Variants in GIN1 observed in about 807,000 individuals in gnomAD.
GIN1 encodes gypsy retrotransposon integrase-like protein 1.
A neutral mutation model predicts 51.4 loss-of-function variants in GIN1; 41 were observed. That is an observed-to-expected ratio of 0.80 (90% CI 0.62 to 1.04). GIN1 has a LOEUF of 1.04. Among genes scored for constraint, GIN1 ranks in the 50% least tolerant of loss-of-function variants. The pLI is 0.00. For missense variants in GIN1, 610 were observed against 612.4 expected (o/e 1.00, Z 0.04); for synonymous variants, 222 against 206.5 (o/e 1.07, Z -0.64).
intron 7 of GIN1, among the ~76,000 whole-genome samples, chr5:103,089,113 A>C (rs1050459344): frequency 6.6e-6 from 1 of 152,172 alleles, no homozygotes; most frequent in Admixed American, 6.5e-5. Flanking sequence ...AATTCTTAGG[A>C]ACTTTTAAGG....
intron 1 of GIN1, among the ~76,000 whole-genome samples, chr5:103,116,924 C>G (rs1438547930): frequency 6.6e-6 from 1 of 152,006 alleles, no homozygotes; most frequent in Non-Finnish European, 1.5e-5. Context: ...ATGCTAGGTA[C>G]TACCAAGGAT....
rs1554196334 is a variant in GIN1 at position 103,106,822 on chromosome 5, T to C, written c.227A>G (p.Glu76Gly). The C allele has an allele frequency of 1.2e-6, 2 of 1,603,402 alleles. No homozygotes were observed. The highest frequency in any genetic ancestry group is 8.5e-7 in the Non-Finnish European group (1 of 1,172,638). ...AGCTCCACTGTCATTTTCATGGCAT[T>C]CTCTTAAGACTTTCTTTTTTTCCTC... ...SEEEKKKVLR[E>G]CHENDSGAHH... Residue 76 changes from glutamate to glycine, a missense_variant, in exon 3 of 8, where the codon GAA becomes GGA. Physicochemically the swap from Glu to Gly is moderately conservative, Grantham distance 98. Coordinates refer to ENST00000399004, the MANE Select transcript of GIN1 (RefSeq NM_017676.2).
intron 1 of GIN1, among the ~76,000 whole-genome samples, chr5:103,111,114 A>C (rs1399031070): frequency 6.6e-6 from 1 of 152,074 alleles, no homozygotes; most frequent in Non-Finnish European, 1.5e-5. Flanking sequence ...GGGAATATAG[A>C]ACCTGTTTGT....
chr5:103,094,035 T>A (rs1787326947), intron 7 of GIN1, among the ~76,000 whole-genome samples: 1 of 152,190 alleles, frequency 6.6e-6, no homozygotes, highest in South Asian at 2.1e-4. Flanking sequence ...AGAGCAGCAA[T>A]GACAAATGTG....
intron 4 of GIN1, among the ~76,000 whole-genome samples, chr5:103,100,227 A>G (rs1364512097): frequency 6.6e-6 from 1 of 151,752 alleles, no homozygotes; most frequent in Non-Finnish European, 1.5e-5. Context: ...CAGCCTCCCA[A>G]GTAGCTGGAC....
At chr5:103,099,587 T>C (rs1241781665) in intron 4 of GIN1, among the ~76,000 whole-genome samples, 1 of 152,146 alleles carries the variant, frequency 6.6e-6, no homozygotes, top group Admixed American at 6.5e-5. Flanking sequence ...TTTAACTTCT[T>C]TGTTTCAAAA....
Position 103,104,913 on chromosome 5 carries a change from CTT to C in GIN1, c.334-69_334-68del. 4.1e-6 allele frequency: 4 copies of C among 969,508 alleles called. No individual in the cohort carries two copies. The South Asian group carries it at 6.6e-5, about 16-fold the overall frequency. 60.1% of individuals were successfully genotyped at this position (969,508 alleles called of 1,614,324 possible). On this transcript the variant is annotated intron_variant, in intron 3 of 7. Coordinates refer to ENST00000399004, the MANE Select transcript of GIN1 (RefSeq NM_017676.2). ...ACACTCAACACAATATAAAAGCAGT[CTT>C]ATAAATCTGAATTTTAAAATGGTTA... is the stretch of plus-strand genomic sequence containing the variant.
chr5:103,104,774 C>G lies in GIN1; in HGVS notation c.406G>C (p.Val136Leu). ...IVAPKQHLLKVENPWSLVTVD... is the reference protein window; with the variant it reads ...IVAPKQHLLKLENPWSLVTVD... ...GTAACTAAACTCCATGGATTTTCCACCTTGAGAAGGTGCTGTTTCGGTGCT... is the reference window on the plus strand; with the variant it reads ...GTAACTAAACTCCATGGATTTTCCAGCTTGAGAAGGTGCTGTTTCGGTGCT... Residue 136 changes from valine to leucine, a missense_variant, in exon 4 of 8, where the codon GTG becomes CTG. Transcript: ENST00000399004. 1 of 1,612,424 alleles carries G rather than the reference C, an allele frequency of 6.2e-7. No individual in the cohort carries two copies. The highest frequency in any genetic ancestry group is 2.2e-5 in the East Asian group (1 of 44,852).
chr5:103,118,164 CCA>C (rs1788097092), intron 1 of GIN1, among the ~76,000 whole-genome samples: 1 of 151,792 alleles, frequency 6.6e-6, no homozygotes, highest in Non-Finnish European at 1.5e-5. Flanking sequence ...AGCAAATATT[CCA>C]GAGGTAAATT....
chr5:103,096,933 C>A (rs1554195160), intron 6 of GIN1, 107 bp from the exon 7 acceptor site: 1 of 690,880 alleles, frequency 1.4e-6, no homozygotes, highest in Non-Finnish European at 2.4e-6. Flanking sequence ...TGAGATGCTA[C>A]TAAAAGGTAG....
At chr5:103,111,197 C>T (rs782092565) in intron 1 of GIN1, among the ~76,000 whole-genome samples, 1 of 151,528 alleles carries the variant, frequency 6.6e-6, no homozygotes, top group South Asian at 2.1e-4. Flanking sequence ...AAAAAAGAAA[C>T]CAAAATCATT....
intron 4 of GIN1, among the ~76,000 whole-genome samples, chr5:103,099,163 C>T (rs1787494618): frequency 1.3e-5 from 2 of 152,044 alleles, no homozygotes. Flanking sequence ...AACTCCCTTG[C>T]AGGTAGGGGT....
At position 103,096,544 on chromosome 5, in the gene GIN1, G is replaced by T; in HGVS notation, c.1291C>A (p.Gln431Lys). 1 of 1,599,288 alleles carries T rather than the reference G, an allele frequency of 6.3e-7. No homozygotes were observed. Residue 431 changes from glutamine (Q) to lysine (K), a missense_variant, in exon 7 of 8, where the codon CAA becomes AAA. Transcript: ENST00000399004. The stretch of plus-strand genomic sequence containing the variant: ...TAGAGAAGTGACAGATATTTACCTT[G>T]TTCACTGGATTCTCTTATGTAGGGC... ...LKPYIRESSE[Q>K]ESLYLLQGSV...
intron 1 of GIN1, among the ~76,000 whole-genome samples, chr5:103,112,607 A>T (rs1008438604): frequency 2.0e-5 from 3 of 152,094 alleles, no homozygotes; most frequent in Admixed American, 6.5e-5. Context: ...TTTTCCCCTA[A>T]ATGGTATATC....
Position 103,097,441 on chromosome 5 carries a change from TA to T in GIN1, c.880del (p.Tyr294IlefsTer24). 1 of 1,581,498 alleles carries T rather than the reference TA, an allele frequency of 6.3e-7. No homozygotes were observed. Among genetic ancestry groups the T allele is most frequent in the Non-Finnish European group, 8.7e-7 (1 of 1,152,246 alleles). Reference protein sequence around the residue: ...PYFQMFSRNPYMPETSDSLHE... With the variant: ...PYFQMFSRNPXMPETSDSLHE... ...AAGACTATCTGAAGTCTCAGGCATATAAGGATTTCGACTAAACATTTGAAAA... is the reference window on the plus strand; with the variant it reads ...AAGACTATCTGAAGTCTCAGGCATATAGGATTTCGACTAAACATTTGAAAA... On this transcript the variant is annotated frameshift_variant, in exon 6 of 8. Coordinates refer to ENST00000399004, the MANE Select transcript of GIN1 (RefSeq NM_017676.2). LOFTEE classifies it high-confidence loss of function.
chr5:103,107,071 C>G (rs1787747798), intron 2 of GIN1, among the ~76,000 whole-genome samples, 162 bp from the exon 3 acceptor site: 1 of 151,918 alleles, frequency 6.6e-6, no homozygotes, highest in African/African-American at 2.4e-5. Context: ...TGCTACAACA[C>G]AAAGGTTCTT....
intron 3 of GIN1, 98 bp downstream of exon 3, chr5:103,106,618 A>T: frequency 1.5e-6 from 1 of 686,534 alleles, no homozygotes; most frequent in Non-Finnish European, 2.4e-6. Flanking sequence ...AAAATACTTA[A>T]TGAGAGGTGA....
At position 103,093,963 on chromosome 5, in the gene GIN1, A is replaced by G. The variant is rs75543994; in HGVS notation, c.1294+2578T>C. Among the ~76,000 whole-genome samples, 1,179 of 152,350 alleles carry G rather than the reference A, an allele frequency of 7.7e-3. 20 individuals are homozygous for G. Among genetic ancestry groups the G allele is most frequent in the African/African-American group, 0.026 (1,071 of 41,586 alleles). On this transcript the variant is annotated intron_variant, in intron 7 of 7. Coordinates refer to ENST00000399004, the MANE Select transcript of GIN1 (RefSeq NM_017676.2). ...TAAGAATGGATAAGAAGTTGGCAATAGAAGTATATCTACTTTAGACAGTGA... is the reference window on the plus strand; with the variant it reads ...TAAGAATGGATAAGAAGTTGGCAATGGAAGTATATCTACTTTAGACAGTGA...
At chr5:103,094,646 T>G (rs1787341547) in intron 7 of GIN1, among the ~76,000 whole-genome samples, 1 of 152,190 alleles carries the variant, frequency 6.6e-6, no homozygotes, top group South Asian at 2.1e-4. Flanking sequence ...TTTAGCAAAA[T>G]TTTAAATTAA....
Sources: allele counts gnomAD v4.1 joint callset (sites outside exome capture counted in the v4.1 genomes callset), GRCh38; gene constraint gnomAD v4.1.1; transcripts MANE v1.5; gene names NCBI Gene and HGNC (gene_info 2026-07-23, HGNC 2026-07-21).